The following SSC4D variants were observed in gnomAD, a reference collection of about 807,000 sequenced individuals.
SSC4D encodes the protein scavenger receptor cysteine-rich domain-containing group B protein.
A neutral mutation model predicts 63.4 loss-of-function variants in SSC4D; 57 were observed. That is an observed-to-expected ratio of 0.90 (90% CI 0.73 to 1.12). The LOEUF is 1.12. SSC4D is among the 50% of genes most tolerant of loss of function. SSC4D has a pLI of 0.00. For synonymous variants in SSC4D, 352 were observed against 345.4 expected (o/e 1.02, Z -0.21); for missense variants, 791 against 806.4 (o/e 0.98, Z 0.23).
chr7:76,393,748 G>A (rs749815023), intron 8 of SSC4D, 32 bp from the exon 9 acceptor site: 8 of 1,420,810 alleles, frequency 5.6e-6, no homozygotes, highest in Non-Finnish European at 7.3e-6. Context: ...GGCCAGAGGG[G>A]CTGGGCTGGG....
chr7:76,393,429 C>T lies in SSC4D; in HGVS notation c.1309G>A (p.Glu437Lys), dbSNP rs763984422. ...CCTGCGCAGAGCGCTCCCGCGTCCT[C>T]GTGGTGGCCGCAGTTGTGCTGGCCC... is the stretch of plus-strand genomic sequence containing the variant. ...GWGQHNCGHH[E>K]DAGALCAGPE... The change falls in exon 9 of 11, where the codon GAG (glutamate) becomes AAG (lysine). Residue 437 changes from glutamate (E) to lysine (K), a missense_variant. Coordinates refer to ENST00000275560, the MANE Select transcript of SSC4D (RefSeq NM_080744.2). 21 of 1,502,072 alleles carry T rather than the reference C, an allele frequency of 1.4e-5. No individual in the cohort carries two copies. The South Asian group carries it at 2.0e-4, about 14-fold the overall frequency. The allele number at this position is 1,502,072 out of a possible 1,614,324, so 93.0% of individuals were successfully genotyped here. A position where few individuals can be genotyped will look rare whatever the true frequency, so the allele number is the denominator to read the frequency against.
chr7:76,403,085 G>A (rs868748016), intron 2 of SSC4D, among the ~76,000 whole-genome samples: 13 of 152,134 alleles, frequency 8.5e-5, no homozygotes, highest in African/African-American at 1.9e-4. Flanking sequence ...TCAGGGCCAC[G>A]TAGCAAATCA....
intron 1 of SSC4D, among the ~76,000 whole-genome samples, chr7:76,405,270 ATTAT>A (rs1804961867): frequency 5.4e-5 from 1 of 18,606 alleles, no homozygotes; most frequent in Non-Finnish European, 1.1e-4. Context: ...CACCCAGCTA[ATTAT>A]ATATATATAT....
intron 6 of SSC4D, 29 bp downstream of exon 6, chr7:76,397,489 G>A (rs943169962): frequency 8.0e-5 from 117 of 1,457,736 alleles, no homozygotes; most frequent in Non-Finnish European, 1.0e-4. Flanking sequence ...ACCTGCCCCG[G>A]CCCCGCCCAT....
chr7:76,400,342 C>A lies in SSC4D; in HGVS notation c.419G>T (p.Arg140Leu). Residue 140 changes from arginine (R) to leucine (L), a missense_variant, in exon 4 of 11, where the codon CGC becomes CTC. Arg to Leu is a moderately radical substitution (Grantham distance 102, BLOSUM62 -2). Transcript: ENST00000275560. The stretch of plus-strand genomic sequence containing the variant: ...AAAGCAATTGTGGACGCCCCAGCCG[C>A]GGCTGCCGCACTCGCTCAGCGCAGC... ...QEAALSECGS[R>L]GWGVHNCFHY... 6.6e-7 allele frequency: 1 copy of A among 1,526,548 alleles called. No individual in the cohort carries two copies. Among genetic ancestry groups the A allele is most frequent in the Non-Finnish European group, 8.8e-7 (1 of 1,132,700 alleles). The allele number at this position is 1,526,548 out of a possible 1,614,324, so 94.6% of individuals were successfully genotyped here.
intron 2 of SSC4D, 30 bp downstream of exon 2, chr7:76,404,277 A>G (rs367643094): frequency 3.3e-6 from 5 of 1,521,150 alleles, no homozygotes; most frequent in South Asian, 1.3e-5. Context: ...AGAAAGAGGA[A>G]GTGGCAAGGG....
intron 7 of SSC4D, among the ~76,000 whole-genome samples, chr7:76,394,178 C>T (rs943856910): frequency 6.6e-6 from 1 of 152,182 alleles, no homozygotes; most frequent in African/African-American, 2.4e-5. Context: ...CTTGACTCAA[C>T]CTTCATCTCA....
In SSC4D at chr7:76,401,050, C is replaced by A; in HGVS notation, c.134-7G>T. On this transcript the variant is annotated splice_region_variant and splice_polypyrimidine_tract_variant and intron_variant, in intron 2 of 10. Coordinates refer to ENST00000275560, the MANE Select transcript of SSC4D (RefSeq NM_080744.2). ...GTGGGCTGTAGGGCGCTGGCTGAAA[C>A]AGAGTGAGGAAGAGCATTGGCCCCT... 6.5e-7 allele frequency: 1 copy of A among 1,545,864 alleles called. No individual in the cohort carries two copies. Among genetic ancestry groups the A allele is most frequent in the Non-Finnish European group, 8.7e-7 (1 of 1,144,028 alleles).
At chr7:76,398,947 T>A (rs2115773083) in intron 4 of SSC4D, 150 bp from the exon 5 acceptor site, 5 of 733,852 alleles carry the variant, frequency 6.8e-6, no homozygotes, top group South Asian at 5.4e-5. Context: ...CACTGGGGTA[T>A]GAGAGGAGAG....
At position 76,392,107 on chromosome 7, in the gene SSC4D, G is replaced by C. The variant is rs1350080470; in HGVS notation, c.1334-66C>G. ...ATGGGAAGCATGTTCCTTAGGGCCA[G>C]GTCCCCTCCTGCTCTCCCCAGGAAA... On this transcript the variant is annotated intron_variant, in intron 9 of 10. Transcript: ENST00000275560. The C allele has an allele frequency of 6.0e-6, 9 of 1,490,164 alleles. No individual in the cohort carries two copies. The African/African-American group carries it at 1.1e-4, about 18-fold the overall frequency. The allele number at this position is 1,490,164 out of a possible 1,614,324, so 92.3% of individuals were successfully genotyped here.
At chr7:76,405,984 T>C (rs201377385) in intron 1 of SSC4D, among the ~76,000 whole-genome samples, 3 of 135,220 alleles carry the variant, frequency 2.2e-5, no homozygotes, top group African/African-American at 5.9e-5. Context: ...CTTTCCTTTC[T>C]TTTCTTTTCT....
chr7:76,393,399 C>T lies in SSC4D; in HGVS notation c.1333+6G>A. On this transcript the variant is annotated splice_donor_region_variant and intron_variant, in intron 9 of 10. Transcript: ENST00000275560. ...CTGTCAGCCTCACCTTCGCTGTCAG[C>T]CTCACCTGCGCAGAGCGCTCCCGCG... 2.1e-6 allele frequency: 3 copies of T among 1,406,456 alleles called. No individual in the cohort carries two copies. Among genetic ancestry groups the T allele is most frequent in the Non-Finnish European group, 2.8e-6 (3 of 1,080,840 alleles). The allele number at this position is 1,406,456 out of a possible 1,614,324, so 87.1% of individuals were successfully genotyped here.
At chr7:76,393,195 A>G (rs1804531408) in intron 9 of SSC4D, among the ~76,000 whole-genome samples, 1 of 151,292 alleles carries the variant, frequency 6.6e-6, no homozygotes, top group Non-Finnish European at 1.5e-5. Context: ...GCCCCGCCCC[A>G]TTTTCCACTG....
At chr7:76,405,323 T>TTTTCTTTCTTTCTTTCTTTC (rs765504064) in intron 1 of SSC4D, among the ~76,000 whole-genome samples, 6 of 29,172 alleles carry the variant, frequency 2.1e-4, no homozygotes, top group Admixed American at 3.3e-4. Context: ...ATATGTATTT[T>TTTTCTTTCTTTCTTTCTTTC]TTTCTTTCTT....
At chr7:76,408,989 C>A (rs1210776437) in intron 1 of SSC4D, among the ~76,000 whole-genome samples, 1 of 152,190 alleles carries the variant, frequency 6.6e-6, no homozygotes, top group African/African-American at 2.4e-5. Flanking sequence ...TCGTGATCCA[C>A]TTACCCCTTA....
Position 76,397,686 on chromosome 7 carries a change from C to T in SSC4D, c.700G>A (p.Ala234Thr), listed in dbSNP as rs764647298. ...GCGTTGGTGGTGGCGGCCATGGCCG[C>T]CCCGCAGCCCAGCTGACGACAGACC... ...AVVCRQLGCG[A>T]AMAATTNAFF... Residue 234 changes from alanine (A) to threonine (T), a missense_variant, in exon 6 of 11, where the codon GCG becomes ACG. By Grantham distance (58) the Ala-to-Thr change is moderately conservative (BLOSUM62 0). Transcript: ENST00000275560. 6 of 1,613,288 alleles carry T rather than the reference C, an allele frequency of 3.7e-6. No individual in the cohort carries two copies. The East Asian group carries it at 1.3e-4, about 36-fold the overall frequency.
At chr7:76,406,945 T>A (rs1805054163) in intron 1 of SSC4D, among the ~76,000 whole-genome samples, 1 of 151,886 alleles carries the variant, frequency 6.6e-6, no homozygotes, top group Non-Finnish European at 1.5e-5. Context: ...ACATTTCTTC[T>A]GATTTAAATT....
intron 5 of SSC4D, among the ~76,000 whole-genome samples, chr7:76,398,202 CT>C (rs1227457088): frequency 3.9e-5 from 6 of 152,048 alleles, no homozygotes; most frequent in African/African-American, 1.2e-4. Context: ...CACTGTCCCT[CT>C]TTTAGAGCAC....
At chr7:76,405,343 T>C (rs112507488) in intron 1 of SSC4D, among the ~76,000 whole-genome samples, 2,224 of 36,722 alleles carry the variant, frequency 0.061, 101 homozygotes, top group Non-Finnish European at 0.089. Flanking sequence ...TTCTTTCTTT[T>C]TTTTTTTTTT....
Sources: allele counts gnomAD v4.1 joint callset (sites outside exome capture counted in the v4.1 genomes callset), GRCh38; gene constraint gnomAD v4.1.1; transcripts MANE v1.5; gene names NCBI Gene and HGNC (gene_info 2026-07-23, HGNC 2026-07-21).